The following MACC1 variants were observed in gnomAD, a reference collection of about 807,000 sequenced individuals.
MACC1 encodes MET transcriptional regulator MACC1, also known as metastasis-associated in colon cancer protein 1.
A neutral mutation model predicts 70.7 loss-of-function variants in MACC1; 79 were observed. The ratio of observed to expected loss-of-function variants is 1.12; its 90% confidence interval spans 0.93 to 1.35. The LOEUF (loss-of-function observed/expected upper bound fraction) is 1.35, where lower values mean the gene tolerates loss of function less well. Ranked by LOEUF, MACC1 falls within the 40% of genes most tolerant of loss-of-function variation. The probability of loss-of-function intolerance (pLI) is 0.00; values close to 1 mark genes in which losing one functional copy is unlikely to be tolerated. For missense variants in MACC1, 1,106 were observed against 978.1 expected, an observed-to-expected ratio of 1.13 and a Z score of -1.74; for synonymous variants, 361 against 347.2, an observed-to-expected ratio of 1.04 and a Z score of -0.44.
chr7:20,159,305 A>C lies in MACC1; in HGVS notation c.1056T>G (p.Ala352=). The C allele has an allele frequency of 6.2e-7, 1 of 1,614,086 alleles. No individual in the cohort carries two copies. The highest frequency in any genetic ancestry group is 1.1e-5 in the South Asian group (1 of 91,082). Residue 352 remains alanine, a synonymous_variant, in exon 5 of 7, where the codon GCT becomes GCG. Coordinates refer to ENST00000400331, the MANE Select transcript of MACC1 (RefSeq NM_182762.4). The part of the protein sequence containing the change: ...QVMYLVVAAQ[A]KALPSPAATI... ...TGGCAGCTGGTGACGGAAGAGCTTT[A>C]GCTTGTGCAGCAACCACTAGATACA...
At chr7:20,190,676 G>GA (rs1050464167) in intron 1 of MACC1, among the ~76,000 whole-genome samples, 4 of 151,388 alleles carry the variant, frequency 2.6e-5, no homozygotes, top group Admixed American at 6.6e-5. Context: ...TTTATCAAAC[G>GA]AAAAAAAATG....
At chr7:20,161,621 T>C (rs1782139868) in intron 4 of MACC1, 127 bp downstream of exon 4, 1 of 588,664 alleles carries the variant, frequency 1.7e-6, no homozygotes, top group Non-Finnish European at 3.0e-6. Flanking sequence ...ACTATTTCTA[T>C]GATAAAAACA....
chr7:20,183,870 G>C (rs1782547654), intron 1 of MACC1, among the ~76,000 whole-genome samples: 2 of 151,968 alleles, frequency 1.3e-5, no homozygotes, highest in African/African-American at 4.8e-5. Context: ...ACCATGCCCA[G>C]CTAATTTTTG....
intron 1 of MACC1, among the ~76,000 whole-genome samples, chr7:20,216,121 A>G (rs1275650628): frequency 2.0e-5 from 3 of 152,166 alleles, no homozygotes; most frequent in Non-Finnish European, 2.9e-5. Context: ...CAACTTTAAG[A>G]ATATACCTGA....
intron 6 of MACC1, among the ~76,000 whole-genome samples, chr7:20,152,257 C>T (rs1190173872): frequency 1.3e-5 from 2 of 152,046 alleles, no homozygotes; most frequent in Non-Finnish European, 2.9e-5. Context: ...GGAAAAAAAG[C>T]GGCCCAGCAA....
At chr7:20,202,645 T>G (rs969699970) in intron 1 of MACC1, among the ~76,000 whole-genome samples, 1 of 152,358 alleles carries the variant, frequency 6.6e-6, no homozygotes, top group African/African-American at 2.4e-5. Flanking sequence ...TTTTTGATTT[T>G]GGAAATGTGC....
At chr7:20,207,429 G>A (rs901785858) in intron 1 of MACC1, among the ~76,000 whole-genome samples, 6 of 152,194 alleles carry the variant, frequency 3.9e-5, no homozygotes, top group Admixed American at 1.3e-4. Context: ...TGGGATTACA[G>A]GCATGAGCCA....
At chr7:20,209,709 T>C (rs566246540) in intron 1 of MACC1, among the ~76,000 whole-genome samples, 1 of 152,264 alleles carries the variant, frequency 6.6e-6, no homozygotes, top group South Asian at 2.1e-4. Flanking sequence ...GGCATGATTG[T>C]GTTTTGAAAT....
chr7:20,178,620 A>T (rs1384679912), intron 1 of MACC1, among the ~76,000 whole-genome samples: 1 of 151,982 alleles, frequency 6.6e-6, no homozygotes, highest in African/African-American at 2.4e-5. Context: ...TTTTTTTGAG[A>T]TGGAGTTTCG....
chr7:20,151,998 T>C (rs1164118083), intron 6 of MACC1, among the ~76,000 whole-genome samples: 3 of 152,176 alleles, frequency 2.0e-5, no homozygotes, highest in African/African-American at 7.2e-5. Flanking sequence ...CTCCATATCT[T>C]AGATATTAGT....
intron 1 of MACC1, among the ~76,000 whole-genome samples, chr7:20,177,213 G>A (rs1027323176): frequency 1.3e-5 from 2 of 152,048 alleles, no homozygotes; most frequent in African/African-American, 2.4e-5. Flanking sequence ...TCAAAAAACC[G>A]GAAATACACA....
At chr7:20,211,554 C>A (rs1002633608) in intron 1 of MACC1, among the ~76,000 whole-genome samples, 3 of 152,092 alleles carry the variant, frequency 2.0e-5, no homozygotes, top group African/African-American at 7.2e-5. Context: ...CTGAGTCTCC[C>A]AGATGCCACA....
intron 5 of MACC1, among the ~76,000 whole-genome samples, chr7:20,156,159 C>T (rs1449005460): frequency 6.6e-6 from 1 of 152,102 alleles, no homozygotes; most frequent in Non-Finnish European, 1.5e-5. Flanking sequence ...CGGGTCGCTC[C>T]CTGCCACACC....
chr7:20,178,437 A>G (rs138402079), intron 1 of MACC1, among the ~76,000 whole-genome samples: 12 of 152,228 alleles, frequency 7.9e-5, no homozygotes, highest in African/African-American at 2.9e-4. Flanking sequence ...ACATTATTTC[A>G]TTATCTTTCG....
intron 1 of MACC1, among the ~76,000 whole-genome samples, chr7:20,172,034 A>G (rs374413663): frequency 1.3e-5 from 2 of 152,172 alleles, no homozygotes; most frequent in East Asian, 3.8e-4. Context: ...AAAAGACATA[A>G]CTAATGAGAA....
chr7:20,158,184 C>A lies in MACC1; in HGVS notation c.2157+20G>T. On this transcript the variant is annotated intron_variant, in intron 5 of 6. Coordinates refer to ENST00000400331, the MANE Select transcript of MACC1 (RefSeq NM_182762.4). ...ACAATTCTCGATGGCAATTCATTAC[C>A]ATGATCAAGCAATACTCACCACAAT... 6.5e-7 allele frequency: 1 copy of A among 1,532,558 alleles called. No individual in the cohort carries two copies. Among genetic ancestry groups the A allele is most frequent in the South Asian group, 1.3e-5 (1 of 75,996 alleles). 94.9% of individuals were successfully genotyped at this position (1,532,558 alleles called of 1,614,324 possible). A position where few individuals can be genotyped will look rare whatever the true frequency, so the allele number is the denominator to read the frequency against.
intron 1 of MACC1, among the ~76,000 whole-genome samples, chr7:20,193,974 G>A (rs1297618255): frequency 6.6e-6 from 1 of 152,140 alleles, no homozygotes; most frequent in Non-Finnish European, 1.5e-5. Context: ...TAGAAAGGTA[G>A]AGCAGAAACA....
chr7:20,185,542 A>G (rs1480985410), intron 1 of MACC1, among the ~76,000 whole-genome samples: 1 of 152,100 alleles, frequency 6.6e-6, no homozygotes, highest in Non-Finnish European at 1.5e-5. Flanking sequence ...GAAAAAGAAA[A>G]TTTTCTGCTT....
chr7:20,159,422 G>A lies in MACC1; in HGVS notation c.939C>T (p.Ser313=). Residue 313 remains serine (S), a synonymous_variant, in exon 5 of 7, where the codon AGC becomes AGT. Coordinates refer to ENST00000400331, the MANE Select transcript of MACC1 (RefSeq NM_182762.4). ...CTTTAAAAGGGCCTTCTTTACCCAA[G>A]CTGTGTAAACACACCATTTCTGTCA... ...QVMTEMVCLH[S]LGKEGPFKVL... 1 of 1,613,966 alleles carries A rather than the reference G, an allele frequency of 6.2e-7. No individual in the cohort carries two copies. Among genetic ancestry groups the A allele is most frequent in the Non-Finnish European group, 8.5e-7 (1 of 1,180,030 alleles).
Sources: gnomAD v4.1 joint callset for allele counts (sites outside exome capture counted in the v4.1 genomes callset) on GRCh38, gnomAD v4.1.1 for gene constraint, MANE v1.5 for transcripts, NCBI Gene and HGNC (gene_info 2026-07-23, HGNC 2026-07-21) for gene names.